The following FUT9 variants were observed in gnomAD, a reference collection of about 807,000 sequenced individuals.
FUT9 encodes fucosyltransferase 9.
In FUT9, 15 loss-of-function variants were observed where a neutral mutation model predicts 29.7. That is an observed-to-expected ratio of 0.51 (90% CI 0.34 to 0.78). The LOEUF is 0.78. Among genes scored for constraint, FUT9 ranks in the 30% least tolerant of loss-of-function variants. FUT9 has a pLI of 0.01. For missense variants in FUT9, 319 were observed against 425.4 expected (o/e 0.75, Z 2.20); for synonymous variants, 169 against 153.7 (o/e 1.10, Z -0.74).
At chr6:96,099,975 T>C (rs1388295780) in intron 1 of FUT9, among the ~76,000 whole-genome samples, 1 of 152,186 alleles carries the variant, frequency 6.6e-6, no homozygotes, top group Non-Finnish European at 1.5e-5. Flanking sequence ...TCCTCTTGTA[T>C]TTATTAGTTC....
intron 1 of FUT9, among the ~76,000 whole-genome samples, chr6:96,052,159 C>T (rs1770682612): frequency 6.6e-6 from 1 of 152,070 alleles, no homozygotes; most frequent in Admixed American, 6.5e-5. Context: ...GGGGAAAACC[C>T]CTTATAAAAC....
intron 2 of FUT9, among the ~76,000 whole-genome samples, chr6:96,200,474 G>T (rs1213476612): frequency 6.6e-6 from 1 of 152,208 alleles, no homozygotes; most frequent in Admixed American, 6.6e-5. Context: ...ATGAGAAAAG[G>T]TGTCCTTTTT....
intron 2 of FUT9, among the ~76,000 whole-genome samples, chr6:96,170,569 C>T (rs1773094947): frequency 6.6e-6 from 1 of 151,652 alleles, no homozygotes; most frequent in South Asian, 2.1e-4. Flanking sequence ...CACACACACA[C>T]ACACAATTGA....
intron 2 of FUT9, among the ~76,000 whole-genome samples, chr6:96,117,320 T>C (rs1771930470): frequency 6.6e-6 from 1 of 152,322 alleles, no homozygotes; most frequent in Non-Finnish European, 1.5e-5. Flanking sequence ...CAAGGAGAGA[T>C]GGCTAAAATT....
chr6:96,194,732 A>G (rs2127989570), intron 2 of FUT9, among the ~76,000 whole-genome samples: 1 of 151,800 alleles, frequency 6.6e-6, no homozygotes, highest in Middle Eastern at 3.4e-3. Flanking sequence ...TGTTGGCTGC[A>G]AGGGACTAAA....
At chr6:96,141,569 G>A (rs1305854220) in intron 2 of FUT9, among the ~76,000 whole-genome samples, 6 of 152,200 alleles carry the variant, frequency 3.9e-5, no homozygotes, top group Admixed American at 2.0e-4. Context: ...GGAAGGTGGA[G>A]CAGCATAGCA....
chr6:96,119,801 T>C (rs1771985658), intron 2 of FUT9, among the ~76,000 whole-genome samples: 1 of 152,214 alleles, frequency 6.6e-6, no homozygotes, highest in Non-Finnish European at 1.5e-5. Flanking sequence ...AAATCAAGCT[T>C]TCTCCCTATT....
intron 2 of FUT9, among the ~76,000 whole-genome samples, chr6:96,125,898 T>G (rs575101342): frequency 6.6e-6 from 1 of 152,338 alleles, no homozygotes; most frequent in African/African-American, 2.4e-5. Flanking sequence ...TTCATGCTTC[T>G]CTTTTGTAAT....
rs945918859 is a variant in FUT9, at chr6:96,214,600, C to G, written c.*10365C>G. 8 of 166,784 alleles carry G rather than the reference C, an allele frequency of 4.8e-5. No homozygotes were observed. The highest frequency in any genetic ancestry group is 1.9e-4 in the African/African-American group (8 of 41,412). The allele number at this position is 166,784 out of a possible 1,614,324, so 10.3% of individuals were successfully genotyped here. A position where few individuals can be genotyped will look rare whatever the true frequency, so the allele number is the denominator to read the frequency against. On this transcript the variant is annotated 3_prime_UTR_variant, in exon 3 of 3. Transcript: ENST00000302103. ...AGGGTTTGTTTTGTTTAGCTTTTCTCTTTTATTCAGAAAACATACCTGTGC... is the reference window on the plus strand; with the variant it reads ...AGGGTTTGTTTTGTTTAGCTTTTCTGTTTTATTCAGAAAACATACCTGTGC...
At chr6:96,173,020 T>C (rs1366912491) in intron 2 of FUT9, among the ~76,000 whole-genome samples, 1 of 151,986 alleles carries the variant, frequency 6.6e-6, no homozygotes, top group East Asian at 1.9e-4. Flanking sequence ...AAATGGGAGG[T>C]GTGAATTTGG....
At position 96,189,692 on chromosome 6, in the gene FUT9, GT is replaced by G. The variant is rs1326391804; in HGVS notation, c.-8-13453del. ...TCTTTGTCTCTTTTGATCTTTGTTGGTTTAAAGTCTGTTTTATCAGAGACTA... is the reference window on the plus strand; with the variant it reads ...TCTTTGTCTCTTTTGATCTTTGTTGGTTAAAGTCTGTTTTATCAGAGACTA... On this transcript the variant is annotated intron_variant, in intron 2 of 2. Coordinates refer to ENST00000302103, the MANE Select transcript of FUT9 (RefSeq NM_006581.4). Among the ~76,000 whole-genome samples, 6 of 152,116 alleles carry G rather than the reference GT, an allele frequency of 3.9e-5. No homozygotes were observed. In the East Asian group the frequency reaches 1.2e-3, roughly 29 times the overall value.
chr6:96,053,791 T>A (rs1478617620), intron 1 of FUT9, among the ~76,000 whole-genome samples: 1 of 152,240 alleles, frequency 6.6e-6, no homozygotes, highest in South Asian at 2.1e-4. Flanking sequence ...GTGTTATATG[T>A]TTTTTAGCAA....
At chr6:96,132,983 G>A (rs1772275149) in intron 2 of FUT9, among the ~76,000 whole-genome samples, 2 of 151,770 alleles carry the variant, frequency 1.3e-5, no homozygotes, top group African/African-American at 4.8e-5. Context: ...ATGGTGTTTG[G>A]TTACATGGAT....
At chr6:96,036,705 A>T (rs1770370442) in intron 1 of FUT9, 1 of 151,966 alleles carries the variant, frequency 6.6e-6, no homozygotes, top group South Asian at 2.1e-4. Context: ...GTCCCAGATT[A>T]AAAACCATTG....
At chr6:96,193,363 A>T (rs1773555094) in intron 2 of FUT9, among the ~76,000 whole-genome samples, 1 of 133,946 alleles carries the variant, frequency 7.5e-6, no homozygotes, top group Admixed American at 8.5e-5. Context: ...CAAGAAAAAA[A>T]CAAACAACCC....
intron 2 of FUT9, among the ~76,000 whole-genome samples, chr6:96,133,065 G>T (rs898097631): frequency 6.6e-6 from 1 of 151,898 alleles, no homozygotes; most frequent in Non-Finnish European, 1.5e-5. Flanking sequence ...TACCCAATGT[G>T]TAGTCTTTTA....
intron 2 of FUT9, among the ~76,000 whole-genome samples, chr6:96,201,434 T>C (rs754157478): frequency 2.0e-4 from 30 of 152,040 alleles, no homozygotes; most frequent in Admixed American, 6.6e-5. Flanking sequence ...TGTGACATTA[T>C]TACTCATTTC....
chr6:96,124,153 CTTTT>C (rs35122970), intron 2 of FUT9, among the ~76,000 whole-genome samples: 2 of 125,050 alleles, frequency 1.6e-5, no homozygotes, highest in Admixed American at 8.4e-5. Flanking sequence ...TTTCTTTTTT[CTTTT>C]TTTTTTTTTT....
intron 1 of FUT9, among the ~76,000 whole-genome samples, chr6:96,092,735 T>A (rs529237686): frequency 6.6e-6 from 1 of 152,156 alleles, no homozygotes; most frequent in African/African-American, 2.4e-5. Context: ...CGAGGTCAAA[T>A]TCCGTCATTT....
Sources: allele counts gnomAD v4.1 joint callset (sites outside exome capture counted in the v4.1 genomes callset), GRCh38; gene constraint gnomAD v4.1.1; transcripts MANE v1.5; gene names NCBI Gene and HGNC (gene_info 2026-07-23, HGNC 2026-07-21).